Variants in SIRPG observed in about 807,000 individuals in gnomAD.
SIRPG encodes the protein signal regulatory protein gamma.
In SIRPG, 38 loss-of-function variants were observed where a neutral mutation model predicts 35.7. That is an observed-to-expected ratio of 1.06 (90% CI 0.82 to 1.40). SIRPG has a LOEUF of 1.40. SIRPG is among the 40% of genes most tolerant of loss of function. The probability of loss-of-function intolerance (pLI) is 0.00; values close to 1 mark genes in which losing one functional copy is unlikely to be tolerated. For missense variants in SIRPG, 519 were observed against 483.0 expected, an observed-to-expected ratio of 1.07 and a Z score of -0.70; for synonymous variants, 215 against 190.4, an observed-to-expected ratio of 1.13 and a Z score of -1.06.
chr20:1,675,911 G>A, the SIRPG span, among the ~76,000 whole-genome samples: 1 of 152,120 alleles, frequency 6.6e-6, no homozygotes, highest in Non-Finnish European at 1.5e-5. Flanking sequence ...GAGGCAACAA[G>A]TGGCTCCTCC....
chr20:1,655,895 T>TAG (rs2091972262), intron 1 of SIRPG, among the ~76,000 whole-genome samples: 1 of 152,116 alleles, frequency 6.6e-6, no homozygotes, highest in African/African-American at 2.4e-5. Flanking sequence ...TGCATGTACA[T>TAG]GTACATGCAT....
At chr20:1,664,315 T>C in the SIRPG span, among the ~76,000 whole-genome samples, 1 of 152,224 alleles carries the variant, frequency 6.6e-6, no homozygotes, top group South Asian at 2.1e-4. Context: ...AAGAGAACTG[T>C]TTTTTTCCCT....
Position 1,649,119 on chromosome 20 carries a change from C to T in SIRPG, c.363G>A (p.Lys121=). The T allele has an allele frequency of 1.2e-6, 2 of 1,613,948 alleles. No homozygotes were observed. Among genetic ancestry groups the T allele is most frequent in the East Asian group, 2.2e-5 (1 of 44,878 alleles). The change falls in exon 2 of 6, where the codon AAG becomes AAA. Residue 121 remains lysine, a synonymous_variant. Transcript: ENST00000303415. ...CGTTCTCAGGGCTCCCTTTTCGAAA[C>T]TTCACACAGTAGTATGTGCCGACAT... The part of the protein sequence containing the change: ...PADVGTYYCV[K]FRKGSPENVE...
intron 4 of SIRPG, 197 bp from the exon 5 acceptor site, chr20:1,630,503 C>T (rs1253040623): frequency 3.6e-6 from 2 of 548,446 alleles, no homozygotes; most frequent in Non-Finnish European, 6.4e-6. Flanking sequence ...TCATCCTGTC[C>T]CAGGTTGCCA....
the SIRPG span, among the ~76,000 whole-genome samples, chr20:1,673,234 G>C: frequency 6.6e-6 from 1 of 152,294 alleles, no homozygotes; most frequent in East Asian, 1.9e-4. Flanking sequence ...AACGGGATGA[G>C]AGGATGTAAT....
intron 1 of SIRPG, among the ~76,000 whole-genome samples, chr20:1,650,000 G>C (rs1481314854): frequency 1.2e-5 from 1 of 85,414 alleles, no homozygotes; most frequent in Non-Finnish European, 2.4e-5. Flanking sequence ...CTACTTTGAA[G>C]TGTGTATATA....
At chr20:1,678,873 T>C in the SIRPG span, among the ~76,000 whole-genome samples, 1 of 152,146 alleles carries the variant, frequency 6.6e-6, no homozygotes, top group South Asian at 2.1e-4. Context: ...GAGATCCTTG[T>C]AAGATTATCA....
At chr20:1,630,671 T>A (rs981318514) in intron 4 of SIRPG, 3 of 230,042 alleles carry the variant, frequency 1.3e-5, no homozygotes, top group African/African-American at 7.1e-5. Context: ...TTAGGGAGGG[T>A]CACAAGGTTA....
chr20:1,641,697 C>T (rs565852536), intron 2 of SIRPG, among the ~76,000 whole-genome samples: 1 of 152,196 alleles, frequency 6.6e-6, no homozygotes, highest in Non-Finnish European at 1.5e-5. Flanking sequence ...GTGTTGATTT[C>T]AGATCTTTCT....
chr20:1,647,283 G>C (rs1253943393), intron 2 of SIRPG: 2 of 152,542 alleles, frequency 1.3e-5, no homozygotes, highest in Admixed American at 6.5e-5. Flanking sequence ...TTTAGGCTGA[G>C]AGCATGGCAA....
At chr20:1,645,567 C>T (rs1313500487) in intron 2 of SIRPG, among the ~76,000 whole-genome samples, 5 of 152,166 alleles carry the variant, frequency 3.3e-5, no homozygotes, top group Non-Finnish European at 7.3e-5. Context: ...ATTTATGGAA[C>T]ATTTACTGCA....
intron 2 of SIRPG, chr20:1,637,761 G>C (rs757495234): frequency 6.6e-6 from 1 of 152,118 alleles, no homozygotes; most frequent in African/African-American, 2.4e-5. Context: ...TTTCTTCATC[G>C]TTAATTCATT....
At chr20:1,660,054 A>G (rs768789055), upstream of SIRPG, among the ~76,000 whole-genome samples, 4 of 152,274 alleles carry the variant, frequency 2.6e-5, no homozygotes, top group African/African-American at 4.8e-5. Flanking sequence ...CTTTAAAGTT[A>G]GTATACTTAA....
At chr20:1,652,022 A>T (rs1029767174) in intron 1 of SIRPG, among the ~76,000 whole-genome samples, 1 of 152,214 alleles carries the variant, frequency 6.6e-6, no homozygotes, top group Non-Finnish European at 1.5e-5. Flanking sequence ...CACTCCTTTT[A>T]GTGCTTTCAA....
upstream of SIRPG, among the ~76,000 whole-genome samples, chr20:1,662,182 A>G (rs1414293917): frequency 6.6e-6 from 1 of 152,234 alleles, no homozygotes; most frequent in Non-Finnish European, 1.5e-5. Flanking sequence ...AGGGTAATAT[A>G]GAGAATCACA....
At chr20:1,648,996 T>C (rs2091917671) in intron 2 of SIRPG, 56 bp downstream of exon 2, 1 of 1,406,904 alleles carries the variant, frequency 7.1e-7, no homozygotes, top group East Asian at 2.3e-5. Flanking sequence ...TGGAAGGTGT[T>C]ACTATTGAGT....
chr20:1,633,134 T>A (rs1386605066), intron 4 of SIRPG, among the ~76,000 whole-genome samples: 1 of 152,094 alleles, frequency 6.6e-6, no homozygotes, highest in African/African-American at 2.4e-5. Context: ...CACAAAAATA[T>A]GACAACTTAG....
chr20:1,637,097 T>G (rs2091809695), intron 2 of SIRPG: 1 of 171,744 alleles, frequency 5.8e-6, no homozygotes, highest in African/African-American at 2.4e-5. Context: ...TTCATAAAAA[T>G]AAACACAGAT....
chr20:1,682,934 G>T, the SIRPG span, among the ~76,000 whole-genome samples: 1 of 152,130 alleles, frequency 6.6e-6, no homozygotes, highest in Non-Finnish European at 1.5e-5. Context: ...ACATAGCCAA[G>T]AAAACAATCA....
Sources: allele counts gnomAD v4.1 joint callset (sites outside exome capture counted in the v4.1 genomes callset), GRCh38; gene constraint gnomAD v4.1.1; transcripts MANE v1.5; gene names NCBI Gene and HGNC (gene_info 2026-07-23, HGNC 2026-07-21).